TPD52L2: variants seen among roughly 807,000 people sequenced by gnomAD.
The protein encoded by TPD52L2 is tumor protein D54.
TPD52L2 carries 19 observed loss-of-function variants against 24.7 expected under a neutral mutation model. That is an observed-to-expected ratio of 0.77 (90% CI 0.54 to 1.13). The LOEUF is 1.13. Ranked by LOEUF, TPD52L2 falls within the 50% of genes most tolerant of loss-of-function variation. TPD52L2 has a pLI of 0.00. For synonymous variants in TPD52L2, 104 were observed against 100.2 expected (o/e 1.04, Z -0.23); for missense variants, 236 against 250.4 (o/e 0.94, Z 0.39).
At chr20:63,888,356 G>T (rs1375727399) in intron 5 of TPD52L2, 1 of 152,612 alleles carries the variant, frequency 6.6e-6, no homozygotes. Flanking sequence ...ATGAAGAACT[G>T]CACAGACTTT....
At chr20:63,871,611 T>C (rs1038745446) in intron 2 of TPD52L2, among the ~76,000 whole-genome samples, 3 of 148,978 alleles carry the variant, frequency 2.0e-5, no homozygotes, top group Non-Finnish European at 4.4e-5. Context: ...CAGCCTCCCA[T>C]AGTGCTGGGA....
At chr20:63,866,776 T>A (rs867021803) in intron 1 of TPD52L2, among the ~76,000 whole-genome samples, 146 of 139,934 alleles carry the variant, frequency 1.0e-3, no homozygotes, top group South Asian at 4.4e-3. Context: ...TTTTTTTTTT[T>A]AATTTTTTTT....
At position 63,887,340 on chromosome 20, in the gene TPD52L2, C is replaced by G. The variant is rs763830401; in HGVS notation, c.477-1850C>G. ...TCCTATGGCAGTGCTCTCCCCCCTC[C>G]CAGTGCTATGCGCTGGGCAACTTGG... On this transcript the variant is annotated intron_variant, in intron 5 of 6. Transcript: ENST00000346249. 682 of 661,628 alleles carry G rather than the reference C, an allele frequency of 1.0e-3. 1 individual carries two copies. The highest frequency in any genetic ancestry group is 1.3e-3 in the Non-Finnish European group (465 of 367,620). 41.0% of individuals were successfully genotyped at this position (661,628 alleles called of 1,614,324 possible). A position where few individuals can be genotyped will look rare whatever the true frequency, so the allele number is the denominator to read the frequency against.
intron 4 of TPD52L2, among the ~76,000 whole-genome samples, chr20:63,881,961 A>G (rs1455678065): frequency 6.6e-6 from 1 of 151,982 alleles, no homozygotes; most frequent in Non-Finnish European, 1.5e-5. Flanking sequence ...AAGGCCCTAG[A>G]GCTTTGCTTT....
intron 3 of TPD52L2, among the ~76,000 whole-genome samples, chr20:63,874,954 A>T (rs1413815712): frequency 6.6e-6 from 1 of 152,022 alleles, no homozygotes; most frequent in East Asian, 1.9e-4. Context: ...AGCCTGACCA[A>T]CATGGAGAAA....
chr20:63,882,741 C>CT lies in TPD52L2; in HGVS notation c.400dup (p.Ser134PhefsTer35). 6.2e-7 allele frequency: 1 copy of CT among 1,614,170 alleles called. No individual in the cohort carries two copies. The highest frequency in any genetic ancestry group is 8.5e-7 in the Non-Finnish European group (1 of 1,180,012). Reference sequence around the variant, plus strand: ...CAGCTACAAGAAGACTCAGGAAACTCTTTCACAGGCAGGACAGAAGACTTC... The same window carrying CT: ...CAGCTACAAGAAGACTCAGGAAACTCTTTTCACAGGCAGGACAGAAGACTTC... On this transcript the variant is annotated frameshift_variant, in exon 5 of 7. Transcript: ENST00000346249. LOFTEE classifies it high-confidence loss of function.
At chr20:63,873,872 T>C in intron 3 of TPD52L2, 56 bp downstream of exon 3, 1 of 1,416,164 alleles carries the variant, frequency 7.1e-7, no homozygotes, top group Non-Finnish European at 9.2e-7. Context: ...GCACCACACG[T>C]GCCCCGGCAT....
rs1460405092 is a variant in TPD52L2, at chr20:63,890,039, A to C, written c.*94A>C. 2 of 1,576,282 alleles carry C rather than the reference A, an allele frequency of 1.3e-6. No homozygotes were observed. Among genetic ancestry groups the C allele is most frequent in the Non-Finnish European group, 8.6e-7 (1 of 1,162,816 alleles). ...TCAGCGGAGCAGCCAGCCAGGGCGG[A>C]TGAGCAGAGCCGGCCCTGAGGACAG... On this transcript the variant is annotated 3_prime_UTR_variant, in exon 7 of 7. Transcript: ENST00000346249.
chr20:63,879,740 A>T (rs1455035914), intron 4 of TPD52L2, among the ~76,000 whole-genome samples: 54 of 106,212 alleles, frequency 5.1e-4, no homozygotes, highest in African/African-American at 1.9e-3. Context: ...CCCACTCTTT[A>T]GGCACAAATG....
chr20:63,869,038 G>A (rs1298541928), intron 1 of TPD52L2, among the ~76,000 whole-genome samples: 1 of 152,312 alleles, frequency 6.6e-6, no homozygotes, highest in African/African-American at 2.4e-5. Flanking sequence ...GCCAGAATTC[G>A]GGTTTGCCTG....
At chr20:63,872,853 G>A (rs973029259) in intron 2 of TPD52L2, among the ~76,000 whole-genome samples, 8 of 152,012 alleles carry the variant, frequency 5.3e-5, no homozygotes, top group East Asian at 1.9e-4. Flanking sequence ...ACAGGTGCCC[G>A]CCACCGTGCC....
chr20:63,884,051 G>C (rs916085307), intron 5 of TPD52L2, among the ~76,000 whole-genome samples: 2 of 152,102 alleles, frequency 1.3e-5, no homozygotes, highest in Non-Finnish European at 2.9e-5. Context: ...GTTTTTTTGA[G>C]GTAATCTACC....
In TPD52L2 at chr20:63,875,902, C is replaced by T. The variant is rs943371696; in HGVS notation, c.374+27C>T. The T allele has an allele frequency of 9.9e-6, 16 of 1,610,694 alleles. 1 individual carries two copies. In the East Asian group the frequency reaches 2.7e-4, roughly 27 times the overall value. On this transcript the variant is annotated intron_variant, in intron 4 of 6. Coordinates refer to ENST00000346249, the MANE Select transcript of TPD52L2 (RefSeq NM_003288.4). ...TGAGTGCCTGTATCATCAGCACCTCCTCCTTCCTCCTCTCCGCCTCCTGAC... is the reference window on the plus strand; with the variant it reads ...TGAGTGCCTGTATCATCAGCACCTCTTCCTTCCTCCTCTCCGCCTCCTGAC...
Position 63,877,171 on chromosome 20 carries a change from G to C in TPD52L2, c.374+1296G>C. 1 of 350,014 alleles carries C rather than the reference G, an allele frequency of 2.9e-6. No homozygotes were observed. Among genetic ancestry groups the C allele is most frequent in the South Asian group, 2.2e-5 (1 of 46,504 alleles). 21.7% of individuals were successfully genotyped at this position (350,014 alleles called of 1,614,324 possible). Reference sequence around the variant, plus strand: ...CTCCCCAGTAGCTGGGACTACAGGCGCCCGCCACCACGCCCGGCTAATTTT... The same window carrying C: ...CTCCCCAGTAGCTGGGACTACAGGCCCCCGCCACCACGCCCGGCTAATTTT... On this transcript the variant is annotated intron_variant, in intron 4 of 6. Coordinates refer to ENST00000346249, the MANE Select transcript of TPD52L2 (RefSeq NM_003288.4). This position sits in a 1 kb window ranked among gnomAD's most constrained non-coding sequence, Gnocchi z 4.1.
In TPD52L2 at chr20:63,869,324, T is replaced by G; in HGVS notation, c.48T>G (p.Gly16=). The G allele has an allele frequency of 6.2e-7, 1 of 1,614,220 alleles. No individual in the cohort carries two copies. The part of the protein sequence containing the change: ...QDINLNSPNK[G]LLSDSMTDVP... ...TCAACCTGAATTCTCCTAACAAAGG[T>G]CTGCTGTCTGACTCCATGACGGATG... is the stretch of plus-strand genomic sequence containing the variant. The change falls in exon 2 of 7, where the codon GGT becomes GGG. Residue 16 remains glycine, a synonymous_variant. Transcript: ENST00000346249.
chr20:63,878,104 T>C (rs986040467), intron 4 of TPD52L2, among the ~76,000 whole-genome samples: 1 of 152,248 alleles, frequency 6.6e-6, no homozygotes, highest in Non-Finnish European at 1.5e-5. Flanking sequence ...AGATGGGCTG[T>C]AGATGTACCT....
chr20:63,885,972 T>C, intron 5 of TPD52L2: 2 of 1,612,306 alleles, frequency 1.2e-6, no homozygotes, highest in Non-Finnish European at 1.7e-6. Flanking sequence ...TGGCCTCCCT[T>C]GCTTACACTT....
At chr20:63,875,074 G>A (rs891709796) in intron 3 of TPD52L2, among the ~76,000 whole-genome samples, 1 of 151,410 alleles carries the variant, frequency 6.6e-6, no homozygotes, top group African/African-American at 2.4e-5. Context: ...CCCGGGAGGC[G>A]GAGGTTGCAG....
chr20:63,884,891 G>C (rs2053038429), intron 5 of TPD52L2, among the ~76,000 whole-genome samples: 1 of 152,220 alleles, frequency 6.6e-6, no homozygotes, highest in Non-Finnish European at 1.5e-5. Context: ...CTGTTTGCTG[G>C]TGTGTCTTGC....
Sources: gnomAD v4.1 joint callset for allele counts (sites outside exome capture counted in the v4.1 genomes callset) on GRCh38, gnomAD v4.1.1 for gene constraint, Gnocchi (gnomAD v3.1) non-coding constraint, MANE v1.5 for transcripts, NCBI Gene and HGNC (gene_info 2026-07-23, HGNC 2026-07-21) for gene names.